Variants in ZYG11B observed in about 807,000 individuals in gnomAD.
ZYG11B encodes zyg-11 family member B, cell cycle regulator.
A neutral mutation model predicts 82.4 loss-of-function variants in ZYG11B; 36 were observed. That is an observed-to-expected ratio of 0.44 (90% CI 0.33 to 0.58). ZYG11B has a LOEUF of 0.58. Ranked by LOEUF, ZYG11B falls within the 20% of genes least tolerant of loss-of-function variation. The pLI, the probability that ZYG11B is intolerant of heterozygous loss-of-function variation, is 0.02. For missense variants in ZYG11B, 552 were observed against 895.6 expected (o/e 0.62, Z 4.90); for synonymous variants, 303 against 312.8 (o/e 0.97, Z 0.33).
chr1:52,772,473 C>T, intron 3 of ZYG11B: 1 of 1,586,760 alleles, frequency 6.3e-7, no homozygotes, highest in Non-Finnish European at 8.6e-7. Flanking sequence ...TTGTGCAACA[C>T]CATGTGATTC....
intron 1 of ZYG11B, among the ~76,000 whole-genome samples, chr1:52,749,034 C>G (rs1644499957): frequency 6.6e-6 from 1 of 151,776 alleles, no homozygotes. Flanking sequence ...AACCCCGTTT[C>G]TACTAAAAAT....
chr1:52,807,054 A>G (rs1645146846), intron 10 of ZYG11B, among the ~76,000 whole-genome samples: 2 of 151,954 alleles, frequency 1.3e-5, no homozygotes, highest in South Asian at 4.2e-4. Flanking sequence ...TTTTTAGTAG[A>G]GATGGGGTTT....
At chr1:52,764,102 G>A (rs1003607410) in intron 2 of ZYG11B, among the ~76,000 whole-genome samples, 4 of 143,238 alleles carry the variant, frequency 2.8e-5, no homozygotes, top group Middle Eastern at 3.4e-3. Flanking sequence ...ATCATTTAGA[G>A]CATGTTGATT....
chr1:52,759,802 A>G (rs1644611889), intron 2 of ZYG11B, among the ~76,000 whole-genome samples: 2 of 152,160 alleles, frequency 1.3e-5, no homozygotes, highest in Admixed American at 6.6e-5. Context: ...AAAGTTATTC[A>G]GTTGATACTT....
chr1:52,787,780 A>G lies in ZYG11B; in HGVS notation c.1270-2223A>G, dbSNP rs998969897. ...TCTGTATTTCTTATTTAGTAAAAAC[A>G]TTTAAAAACAACTCAATTAAAAAAA... On this transcript the variant is annotated intron_variant, in intron 5 of 13. Coordinates refer to ENST00000294353, the MANE Select transcript of ZYG11B (RefSeq NM_024646.3). Among the ~76,000 whole-genome samples, 5 of 134,832 alleles carry G rather than the reference A, an allele frequency of 3.7e-5. No individual in the cohort carries two copies. The East Asian group carries it at 1.2e-3, about 32-fold the overall frequency. 88.5% of individuals were successfully genotyped at this position (134,832 alleles called of 152,430 possible). A position where few individuals can be genotyped will look rare whatever the true frequency, so the allele number is the denominator to read the frequency against.
intron 2 of ZYG11B, among the ~76,000 whole-genome samples, chr1:52,766,833 C>T (rs917148901): frequency 4.6e-5 from 7 of 152,120 alleles, no homozygotes; most frequent in African/African-American, 1.7e-4. Context: ...ACGGTGAAAC[C>T]CCGTCTCTAC....
chr1:52,734,109 T>C (rs1414828848), intron 1 of ZYG11B, among the ~76,000 whole-genome samples: 3 of 152,156 alleles, frequency 2.0e-5, no homozygotes, highest in Non-Finnish European at 4.4e-5. Flanking sequence ...GATGATCTCT[T>C]GCTTCATCCT....
At chr1:52,799,282 T>C (rs1051780691) in intron 8 of ZYG11B, among the ~76,000 whole-genome samples, 1 of 151,796 alleles carries the variant, frequency 6.6e-6, no homozygotes, top group Non-Finnish European at 1.5e-5. Context: ...GGTCAGGAGA[T>C]CGAGACCATC....
intron 4 of ZYG11B, among the ~76,000 whole-genome samples, chr1:52,783,805 TAC>T (rs144122989): frequency 7.4e-6 from 1 of 135,016 alleles, no homozygotes; most frequent in East Asian, 2.3e-4. Flanking sequence ...TATATATATA[TAC>T]ACACACACGT....
intron 5 of ZYG11B, 116 bp from the exon 6 acceptor site, chr1:52,789,887 A>C: frequency 1.5e-6 from 1 of 649,134 alleles, no homozygotes; most frequent in Non-Finnish European, 2.4e-6. Context: ...AGATTGTAAG[A>C]AATAACTGGT....
intron 13 of ZYG11B, among the ~76,000 whole-genome samples, chr1:52,821,213 GT>G (rs1645280388): frequency 6.6e-6 from 1 of 151,886 alleles, no homozygotes; most frequent in African/African-American, 2.4e-5. Context: ...ATGTCTTGAG[GT>G]TAGAAAAATC....
At chr1:52,782,056 T>A (rs1644861689) in intron 4 of ZYG11B, among the ~76,000 whole-genome samples, 1 of 151,904 alleles carries the variant, frequency 6.6e-6, no homozygotes, top group African/African-American at 2.4e-5. Context: ...ATAGGCTATT[T>A]ATTTATTTAT....
At chr1:52,742,858 A>G (rs1644442775) in intron 1 of ZYG11B, among the ~76,000 whole-genome samples, 1 of 148,834 alleles carries the variant, frequency 6.7e-6, no homozygotes, top group Admixed American at 6.7e-5. Context: ...AAAAAAAAAG[A>G]GTCAAAAAGT....
intron 7 of ZYG11B, 39 bp from the exon 8 acceptor site, chr1:52,796,695 A>G (rs747199670): frequency 6.5e-7 from 1 of 1,545,934 alleles, no homozygotes; most frequent in Admixed American, 1.8e-5. Flanking sequence ...CACATTAATG[A>G]GTTCTTGGAC....
intron 1 of ZYG11B, among the ~76,000 whole-genome samples, chr1:52,727,076 G>C (rs929704067): frequency 2.6e-5 from 4 of 151,096 alleles, no homozygotes; most frequent in African/African-American, 9.8e-5. Context: ...AGTTTTCGCT[G>C]CTCTTCCTTG....
chr1:52,819,037 A>T (rs557138112), intron 13 of ZYG11B, among the ~76,000 whole-genome samples: 1 of 152,206 alleles, frequency 6.6e-6, no homozygotes, highest in South Asian at 2.1e-4. Flanking sequence ...TTGGCCTCTC[A>T]AAGTGCTGGG....
chr1:52,796,500 G>A, intron 7 of ZYG11B, 109 bp downstream of exon 7: 4 of 1,013,614 alleles, frequency 3.9e-6, no homozygotes, highest in Non-Finnish European at 5.9e-6. Flanking sequence ...CTCTCTGCCA[G>A]CCTGCTTATT....
intron 13 of ZYG11B, among the ~76,000 whole-genome samples, chr1:52,819,620 T>C (rs796581982): frequency 8.6e-5 from 13 of 151,972 alleles, no homozygotes; most frequent in African/African-American, 3.1e-4. Context: ...ACCCCATCTC[T>C]ACTAAAAATA....
intron 3 of ZYG11B, among the ~76,000 whole-genome samples, chr1:52,773,633 T>A (rs1190718111): frequency 0.011 from 310 of 28,826 alleles, no homozygotes; most frequent in East Asian, 0.024. Context: ...ATATATTTTT[T>A]TTTTTTTTTT....
Sources: allele counts gnomAD v4.1 joint callset (sites outside exome capture counted in the v4.1 genomes callset), GRCh38; gene constraint gnomAD v4.1.1; transcripts MANE v1.5; gene names NCBI Gene and HGNC (gene_info 2026-07-23, HGNC 2026-07-21).